ABTB3: variants seen among roughly 807,000 people sequenced by gnomAD.
ABTB3 encodes the protein ankyrin repeat and BTB domain containing 3.
At chr12:107,398,841 C>T in the ABTB3 span, among the ~76,000 whole-genome samples, 1 of 152,132 alleles carries the variant, frequency 6.6e-6, no homozygotes, top group Non-Finnish European at 1.5e-5. Flanking sequence ...TTAGCAATAC[C>T]TTCTAAGAAT....
At chr12:107,484,312 C>T in the ABTB3 span, among the ~76,000 whole-genome samples, 1 of 152,144 alleles carries the variant, frequency 6.6e-6, no homozygotes, top group East Asian at 1.9e-4. Context: ...TTTGTACACG[C>T]TGAAGGAGGT....
the ABTB3 span, among the ~76,000 whole-genome samples, chr12:107,338,521 G>A: frequency 6.6e-6 from 1 of 152,314 alleles, no homozygotes; most frequent in South Asian, 2.1e-4. Flanking sequence ...CACATTGTTA[G>A]TGCTCAAATG....
At chr12:107,527,717 C>G in the ABTB3 span, among the ~76,000 whole-genome samples, 2 of 152,200 alleles carry the variant, frequency 1.3e-5, no homozygotes, top group Non-Finnish European at 2.9e-5. Context: ...CCTTCTTTCT[C>G]TTGTTGCATC....
the ABTB3 span, among the ~76,000 whole-genome samples, chr12:107,487,933 C>T: frequency 6.7e-6 from 1 of 149,432 alleles, no homozygotes; most frequent in African/African-American, 2.5e-5. Flanking sequence ...GGCCCGCTTT[C>T]AGGTTGGCTG....
chr12:107,510,927 A>G, the ABTB3 span, among the ~76,000 whole-genome samples: 1 of 152,170 alleles, frequency 6.6e-6, no homozygotes, highest in African/African-American at 2.4e-5. Flanking sequence ...GTCTCCAAAA[A>G]AAAAGAAAAA....
chr12:107,539,774 G>A, the ABTB3 span, among the ~76,000 whole-genome samples: 3 of 152,194 alleles, frequency 2.0e-5, no homozygotes, highest in Non-Finnish European at 4.4e-5. Flanking sequence ...AACCACCTGA[G>A]AGGTGAAGAT....
chr12:107,489,206 T>A, the ABTB3 span, among the ~76,000 whole-genome samples: 2 of 152,104 alleles, frequency 1.3e-5, no homozygotes, highest in Non-Finnish European at 2.9e-5. Flanking sequence ...AATATAGCAA[T>A]ATATGTCAAA....
chr12:107,636,214 C>G, the ABTB3 span, among the ~76,000 whole-genome samples: 11 of 152,284 alleles, frequency 7.2e-5, no homozygotes, highest in Non-Finnish European at 1.2e-4. Flanking sequence ...TTCCATCAGG[C>G]ACTAGGTTCT....
chr12:107,608,478 C>T, the ABTB3 span, among the ~76,000 whole-genome samples: 1 of 152,166 alleles, frequency 6.6e-6, no homozygotes, highest in African/African-American at 2.4e-5. Context: ...GTGAAACCTC[C>T]ATGTTTACCC....
the ABTB3 span, among the ~76,000 whole-genome samples, chr12:107,579,647 G>C: frequency 1.9e-4 from 29 of 152,182 alleles, no homozygotes; most frequent in Admixed American, 9.2e-4. Flanking sequence ...TTTCTCAAGG[G>C]GGCTGGCTGA....
the ABTB3 span, among the ~76,000 whole-genome samples, chr12:107,522,802 GGGGAA>G: frequency 2.6e-3 from 379 of 147,142 alleles, 6 homozygotes; most frequent in East Asian, 0.035. Flanking sequence ...GAGGGAGGGA[GGGGAA>G]GGGAAGGGAA....
chr12:107,460,562 G>C, the ABTB3 span, among the ~76,000 whole-genome samples: 1 of 152,202 alleles, frequency 6.6e-6, no homozygotes, highest in Non-Finnish European at 1.5e-5. Context: ...GGGAGGCTGA[G>C]GCACAAGAAT....
chr12:107,618,259 C>T, the ABTB3 span: 1 of 1,613,648 alleles, frequency 6.2e-7, no homozygotes, highest in Non-Finnish European at 8.5e-7. Context: ...GCGGAGACAG[C>T]CCCGCCCCCC....
the ABTB3 span, among the ~76,000 whole-genome samples, chr12:107,648,968 CAT>C: frequency 2.6e-5 from 4 of 152,036 alleles, no homozygotes; most frequent in African/African-American, 9.7e-5. Context: ...GGTGGGAAAA[CAT>C]ATGGAGACAA....
chr12:107,562,866 C>T, the ABTB3 span, among the ~76,000 whole-genome samples: 2 of 152,154 alleles, frequency 1.3e-5, no homozygotes, highest in African/African-American at 4.8e-5. Flanking sequence ...GTGATTGTTC[C>T]CAAAGCCTTT....
the ABTB3 span, among the ~76,000 whole-genome samples, chr12:107,514,375 C>T: frequency 6.6e-6 from 1 of 152,130 alleles, no homozygotes; most frequent in Non-Finnish European, 1.5e-5. Context: ...ACAACACACT[C>T]AAAGTAACAG....
chr12:107,532,099 A>G, the ABTB3 span, among the ~76,000 whole-genome samples: 1 of 152,212 alleles, frequency 6.6e-6, no homozygotes, highest in East Asian at 1.9e-4. Context: ...CAGTGGTCCC[A>G]CACATCACTC....
At chr12:107,502,693 T>C in the ABTB3 span, among the ~76,000 whole-genome samples, 56,424 of 151,810 alleles carry the variant, frequency 0.37, 12,775 homozygotes, top group African/African-American at 0.64. Context: ...ACCACCTGAG[T>C]GCCGCCTCCT....
At chr12:107,426,054 G>T in the ABTB3 span, among the ~76,000 whole-genome samples, 1 of 152,158 alleles carries the variant, frequency 6.6e-6, no homozygotes, top group Non-Finnish European at 1.5e-5. Flanking sequence ...CCCAGCAAGG[G>T]GGACTCACAG....
Sources: allele counts gnomAD v4.1 joint callset (sites outside exome capture counted in the v4.1 genomes callset), GRCh38; gene constraint gnomAD v4.1.1; transcripts MANE v1.5; gene names NCBI Gene and HGNC (gene_info 2026-07-23, HGNC 2026-07-21).